Variants in NUP98 observed in about 807,000 individuals in gnomAD.
The protein encoded by NUP98 is nuclear pore complex protein Nup98-Nup96.
Under a neutral mutation model 191.9 loss-of-function variants are expected in NUP98, and 26 were observed. The observed-to-expected ratio is 0.14, with a 90% confidence interval of 0.10 to 0.19. NUP98 has a LOEUF of 0.19. NUP98 is among the 10% of genes least tolerant of loss of function. The pLI, the probability that NUP98 is intolerant of heterozygous loss-of-function variation, is 1.00. For synonymous variants in NUP98, 808 were observed against 778.4 expected (o/e 1.04, Z -0.63); for missense variants, 1,941 against 2,178.8 (o/e 0.89, Z 2.17).
intron 1 of NUP98, among the ~76,000 whole-genome samples, chr11:3,796,068 G>A (rs757936515): frequency 6.6e-6 from 1 of 152,136 alleles, no homozygotes; most frequent in African/African-American, 2.4e-5. Flanking sequence ...CCTCCACCAG[G>A]TAAACATACT....
At chr11:3,706,966 A>T (rs1240090823) in intron 20 of NUP98, among the ~76,000 whole-genome samples, 1 of 152,230 alleles carries the variant, frequency 6.6e-6, no homozygotes, top group African/African-American at 2.4e-5. Context: ...CAATTTTCTG[A>T]TTTACACAGG....
At chr11:3,692,519 C>T (rs1456185503) in intron 27 of NUP98, among the ~76,000 whole-genome samples, 1 of 151,364 alleles carries the variant, frequency 6.6e-6, no homozygotes, top group Non-Finnish European at 1.5e-5. Flanking sequence ...CCCAGCTACC[C>T]GGGAGGCAGA....
intron 18 of NUP98, among the ~76,000 whole-genome samples, chr11:3,715,753 G>A (rs1448633492): frequency 6.6e-6 from 1 of 151,604 alleles, no homozygotes; most frequent in Non-Finnish European, 1.5e-5. Context: ...GAGCAGCTAG[G>A]ACTACAGGTG....
intron 20 of NUP98, among the ~76,000 whole-genome samples, chr11:3,711,320 C>T (rs2079018553): frequency 6.6e-6 from 1 of 152,070 alleles, no homozygotes; most frequent in African/African-American, 2.4e-5. Flanking sequence ...TTTGGGTGCT[C>T]AATTTTTCAA....
chr11:3,706,026 T>G (rs868440438), intron 21 of NUP98, among the ~76,000 whole-genome samples: 17 of 143,936 alleles, frequency 1.2e-4, no homozygotes, highest in Middle Eastern at 3.7e-3. Context: ...AGTAGCCAGG[T>G]GTGGTGGTGG....
chr11:3,736,103 GT>G (rs758634992), intron 12 of NUP98, among the ~76,000 whole-genome samples: 10,073 of 141,810 alleles, frequency 0.071, 348 homozygotes, highest in Middle Eastern at 0.11. Flanking sequence ...TGTGTGTTTT[GT>G]TTTTTTTTTC....
At chr11:3,727,809 A>AAGCTAGGAGTTTG (rs2079679285) in intron 14 of NUP98, among the ~76,000 whole-genome samples, 1 of 152,080 alleles carries the variant, frequency 6.6e-6, no homozygotes. Flanking sequence ...GGATCACTTG[A>AAGCTAGGAGTTTG]AGCTAGGAGT....
At position 3,779,033 on chromosome 11, in the gene NUP98, G is replaced by A. The variant is rs746165821; in HGVS notation, c.195C>T (p.Thr65=). The change falls in exon 4 of 33, where the codon ACC becomes ACT. Residue 65 remains threonine, a synonymous_variant. Transcript: ENST00000324932. ...SQTKPGGLFG[T]SSFSQPATST... ...AGGTAGCTGGCTGGCTAAATGAACT[G>A]GTTCCAAACAATCCTCCTGAGGAGA... 3.7e-6 allele frequency: 6 copies of A among 1,614,152 alleles called. No individual in the cohort carries two copies. In the Admixed American group the frequency reaches 1.0e-4, roughly 27 times the overall value.
In NUP98 at chr11:3,679,698, A is replaced by G; in HGVS notation, c.4929T>C (p.Ile1643=). Reference sequence around the variant, plus strand: ...CCTTCAGGTAGTCATAGTTCTCATTAATGATGGCATCTGAAGAAACAAAGT... The same window carrying G: ...CCTTCAGGTAGTCATAGTTCTCATTGATGATGGCATCTGAAGAAACAAAGT... ...IIRHLASDAI[I]NENYDYLKGF... Residue 1643 remains isoleucine (I), a synonymous_variant, in exon 31 of 33, where the codon ATT becomes ATC. Transcript: ENST00000324932. 2.5e-6 allele frequency: 4 copies of G among 1,613,706 alleles called. No individual in the cohort carries two copies. Among genetic ancestry groups the G allele is most frequent in the Non-Finnish European group, 3.4e-6 (4 of 1,179,800 alleles).
At chr11:3,742,751 T>C (rs1000995586) in intron 12 of NUP98, among the ~76,000 whole-genome samples, 1 of 127,508 alleles carries the variant, frequency 7.8e-6, no homozygotes, top group Non-Finnish European at 1.7e-5. Context: ...AATAAAAACA[T>C]AGGGAAAGGT....
intron 16 of NUP98, 68 bp from the exon 17 acceptor site, chr11:3,720,893 T>C (rs2079367927): frequency 1.5e-6 from 1 of 672,764 alleles, no homozygotes; most frequent in South Asian, 1.8e-5. Flanking sequence ...TAAATCATCA[T>C]ATAAAGAGAA....
chr11:3,795,171 T>G (rs1282524727), intron 1 of NUP98, among the ~76,000 whole-genome samples: 1 of 152,198 alleles, frequency 6.6e-6, no homozygotes, highest in Admixed American at 6.6e-5. Flanking sequence ...CTGGGCACAG[T>G]GGCTCATACC....
chr11:3,696,362 C>T (rs1032310438), intron 25 of NUP98, among the ~76,000 whole-genome samples: 2 of 151,772 alleles, frequency 1.3e-5, no homozygotes, highest in African/African-American at 2.4e-5. Context: ...ATTAGCCTGG[C>T]GTGGTGGCAC....
chr11:3,762,263 C>T (rs963704187), intron 9 of NUP98, among the ~76,000 whole-genome samples: 12 of 151,632 alleles, frequency 7.9e-5, no homozygotes, highest in Admixed American at 2.6e-4. Context: ...GCACCCACCA[C>T]CACACCCAGC....
At chr11:3,776,653 T>A (rs954610484) in intron 4 of NUP98, among the ~76,000 whole-genome samples, 2 of 151,102 alleles carry the variant, frequency 1.3e-5, no homozygotes, top group African/African-American at 2.4e-5. Context: ...CCCGGCTAAT[T>A]TTTTGTATTT....
intron 23 of NUP98, 46 bp from the exon 24 acceptor site, chr11:3,700,885 G>T: frequency 7.4e-7 from 1 of 1,347,760 alleles, no homozygotes; most frequent in South Asian, 1.3e-5. Context: ...ACCTAAGACA[G>T]AAGCTAGGAT....
rs140775851 is a variant in NUP98 at position 3,699,331 on chromosome 11, G to C, written c.3760C>G (p.Leu1254Val). ...PEAQIVKHWSLTWTLCEALWG... is the reference protein window; with the variant it reads ...PEAQIVKHWSVTWTLCEALWG... The stretch of plus-strand genomic sequence containing the variant: ...AGGGCTTCACATAGTGTCCATGTCA[G>C]GCTCCAGTGCTTCACAACTAAGGCA... Residue 1254 changes from leucine to valine, a missense_variant, in exon 25 of 33, where the codon CTG (leucine) becomes GTG (valine). Physicochemically the swap from Leu to Val is conservative, Grantham distance 32. Around this residue, in one of 6 missense-constraint regions of NUP98, gnomAD observed 1,030 missense variants for 1,115.8 expected, o/e 0.92. Transcript: ENST00000324932. 7.4e-6 allele frequency: 12 copies of C among 1,613,944 alleles called. No individual in the cohort carries two copies. In the African/African-American group the frequency reaches 1.6e-4, roughly 22 times the overall value.
intron 9 of NUP98, among the ~76,000 whole-genome samples, chr11:3,761,630 G>A (rs1438069389): frequency 6.6e-6 from 1 of 152,062 alleles, no homozygotes; most frequent in South Asian, 2.1e-4. Flanking sequence ...GCAGTGGCGG[G>A]CGCCTGTAAT....
chr11:3,726,682 CT>C (rs944868026), intron 14 of NUP98, among the ~76,000 whole-genome samples: 43 of 151,960 alleles, frequency 2.8e-4, no homozygotes, highest in African/African-American at 9.7e-4. Flanking sequence ...CTCTTAAATA[CT>C]TTTTCCCCCA....
Sources: allele counts gnomAD v4.1 joint callset (sites outside exome capture counted in the v4.1 genomes callset), GRCh38; gene constraint gnomAD v4.1.1; regional missense constraint gnomAD v4.1.1; transcripts MANE v1.5; gene names NCBI Gene and HGNC (gene_info 2026-07-23, HGNC 2026-07-21).